The following RPA1 variants were observed in gnomAD, a reference collection of about 807,000 sequenced individuals.
The protein encoded by RPA1 is replication protein A1.
Under a neutral mutation model 83.0 loss-of-function variants are expected in RPA1, and 49 were observed. The observed-to-expected ratio is 0.59, with a 90% CI of 0.47 to 0.75. The LOEUF (loss-of-function observed/expected upper bound fraction) is 0.75. RPA1 is among the 30% of genes least tolerant of loss of function. RPA1 has a pLI of 0.00. For missense variants in RPA1, 693 were observed against 776.1 expected (o/e 0.89, Z 1.27); for synonymous variants, 279 against 281.8 (o/e 0.99, Z 0.10).
chr17:1,855,346 TGTGTGTGTGTGTGTGTG>T (rs1912651002), intron 5 of RPA1, among the ~76,000 whole-genome samples: 1 of 148,112 alleles, frequency 6.8e-6, no homozygotes, highest in Non-Finnish European at 1.5e-5. Flanking sequence ...TGTGTGTGTG[TGTGTGTGTGTGTGTGTG>T]TGTTTAGTAG....
Position 1,891,819 on chromosome 17 carries a change from A to G in RPA1, c.1552-14A>G. ...TATTTCTTTGCTGAAATAATGTAGA[A>G]TTGTGTTTTTTAGGTAAATATTGCA... is the stretch of plus-strand genomic sequence containing the variant. On this transcript the variant is annotated splice_polypyrimidine_tract_variant and intron_variant, in intron 14 of 16. Coordinates refer to ENST00000254719, the MANE Select transcript of RPA1 (RefSeq NM_002945.5). 2 of 1,492,290 alleles carry G rather than the reference A, an allele frequency of 1.3e-6. No homozygotes were observed. Among genetic ancestry groups the G allele is most frequent in the Non-Finnish European group, 9.3e-7 (1 of 1,077,532 alleles). The allele number at this position is 1,492,290 out of a possible 1,614,324, so 92.4% of individuals were successfully genotyped here.
intron 5 of RPA1, among the ~76,000 whole-genome samples, chr17:1,867,896 G>A (rs1156718285): frequency 1.3e-5 from 2 of 151,860 alleles, no homozygotes; most frequent in Non-Finnish European, 2.9e-5. Flanking sequence ...CTGGGTAGCT[G>A]TAGAGACAAA....
intron 13 of RPA1, among the ~76,000 whole-genome samples, chr17:1,887,412 A>G (rs1914034007): frequency 6.6e-6 from 1 of 151,708 alleles, no homozygotes; most frequent in Non-Finnish European, 1.5e-5. Context: ...TACAAAAATT[A>G]GCTGGGCGTA....
intron 1 of RPA1, among the ~76,000 whole-genome samples, chr17:1,838,913 C>T (rs529315054): frequency 1.4e-4 from 21 of 151,746 alleles, no homozygotes; most frequent in Middle Eastern, 6.8e-3. Flanking sequence ...TGCAGTGGCA[C>T]GATCTCGGCT....
intron 1 of RPA1, among the ~76,000 whole-genome samples, chr17:1,834,285 G>A (rs1307347513): frequency 6.6e-6 from 1 of 152,040 alleles, no homozygotes; most frequent in Non-Finnish European, 1.5e-5. Flanking sequence ...TCAAACTCCT[G>A]GGCTTAAGCG....
intron 5 of RPA1, among the ~76,000 whole-genome samples, chr17:1,862,811 G>A (rs921118800): frequency 6.4e-5 from 8 of 124,586 alleles, no homozygotes; most frequent in African/African-American, 1.2e-4. Flanking sequence ...AACCTCCCCC[G>A]GGTTCAAGTG....
At chr17:1,872,736 AGG>A (rs1286013830) in intron 6 of RPA1, among the ~76,000 whole-genome samples, 18 of 120,814 alleles carry the variant, frequency 1.5e-4, no homozygotes, top group Admixed American at 5.1e-4. Context: ...TTTTGGAAGT[AGG>A]GTCTTGCTCT....
At chr17:1,862,513 A>G (rs1469266361) in intron 5 of RPA1, among the ~76,000 whole-genome samples, 4 of 145,116 alleles carry the variant, frequency 2.8e-5, no homozygotes, top group African/African-American at 7.7e-5. Context: ...TCCACCTCCC[A>G]GTTCAAGCTA....
chr17:1,874,466 A>G (rs17338781), intron 6 of RPA1, among the ~76,000 whole-genome samples: 1,811 of 152,302 alleles, frequency 0.012, 40 homozygotes, highest in African/African-American at 0.041. Context: ...AGATCGTGCC[A>G]CCTGCACTCC....
intron 13 of RPA1, among the ~76,000 whole-genome samples, chr17:1,885,546 A>G (rs2151289651): frequency 6.6e-6 from 1 of 152,106 alleles, no homozygotes; most frequent in South Asian, 2.1e-4. Context: ...ATCACAGCTC[A>G]CTGCAGTCTC....
chr17:1,887,989 A>C lies in RPA1; in HGVS notation c.1375-686A>C, dbSNP rs553497102. Among the ~76,000 whole-genome samples the C allele has an allele frequency of 3.9e-5, 6 of 152,334 alleles. 1 individual carries two copies. The East Asian group carries it at 1.2e-3, about 29-fold the overall frequency. On this transcript the variant is annotated intron_variant, in intron 13 of 16. Transcript: ENST00000254719. ...AAAGTGAGCACCTGCTATTGGGAAAATAGTGCATTTACTTGACCCAGGGGT... is the reference window on the plus strand; with the variant it reads ...AAAGTGAGCACCTGCTATTGGGAAACTAGTGCATTTACTTGACCCAGGGGT...
At chr17:1,832,729 C>G (rs1911669253) in intron 1 of RPA1, among the ~76,000 whole-genome samples, 1 of 152,106 alleles carries the variant, frequency 6.6e-6, no homozygotes, top group Non-Finnish European at 1.5e-5. Flanking sequence ...AGATACTAAA[C>G]TGTTTCTTTT....
chr17:1,845,496 G>A (rs764781378), intron 4 of RPA1, among the ~76,000 whole-genome samples: 16 of 152,008 alleles, frequency 1.1e-4, no homozygotes, highest in Non-Finnish European at 1.3e-4. Context: ...TGATTGCACC[G>A]CCGCACTTCA....
At chr17:1,837,040 G>A (rs187912124) in intron 1 of RPA1, among the ~76,000 whole-genome samples, 2 of 151,968 alleles carry the variant, frequency 1.3e-5, no homozygotes, top group Admixed American at 1.3e-4. Flanking sequence ...GCTTCACCAC[G>A]GTGGTCAGGA....
intron 14 of RPA1, among the ~76,000 whole-genome samples, chr17:1,889,368 C>T (rs964019066): frequency 2.0e-5 from 3 of 150,166 alleles, no homozygotes; most frequent in African/African-American, 7.4e-5. Flanking sequence ...AGGGGTCTCA[C>T]TCTGTTGCCC....
chr17:1,852,440 G>GA (rs1912530361), intron 4 of RPA1, among the ~76,000 whole-genome samples: 1 of 152,178 alleles, frequency 6.6e-6, no homozygotes, highest in South Asian at 2.1e-4. Context: ...AAATGAGAAG[G>GA]AACACAACAC....
chr17:1,836,136 GGC>G (rs991385409), intron 1 of RPA1, among the ~76,000 whole-genome samples: 7 of 122,044 alleles, frequency 5.7e-5, no homozygotes, highest in Non-Finnish European at 1.0e-4. Context: ...ATTTATTTGA[GGC>G]AGAGTTTCCT....
At chr17:1,891,620 A>C (rs985311021) in intron 14 of RPA1, 1 of 327,738 alleles carries the variant, frequency 3.1e-6, no homozygotes, top group Non-Finnish European at 5.6e-6. Flanking sequence ...GAGTTTCACC[A>C]TGTTGGCCAG....
intron 5 of RPA1, among the ~76,000 whole-genome samples, chr17:1,869,075 G>A (rs1913286487): frequency 6.6e-6 from 1 of 152,220 alleles, no homozygotes; most frequent in Non-Finnish European, 1.5e-5. Flanking sequence ...CATATTGTTT[G>A]TAGTTGTTAA....
Sources: gnomAD v4.1 joint callset for allele counts (sites outside exome capture counted in the v4.1 genomes callset) on GRCh38, gnomAD v4.1.1 for gene constraint, MANE v1.5 for transcripts, NCBI Gene and HGNC (gene_info 2026-07-23, HGNC 2026-07-21) for gene names.